Variants in FBXL3 observed in about 807,000 individuals in gnomAD.
FBXL3 encodes the protein F-box/LRR-repeat protein 3.
In FBXL3, 14 loss-of-function variants were observed where a neutral mutation model predicts 37.9. The observed-to-expected ratio is 0.37, with a 90% CI of 0.24 to 0.58. The LOEUF (loss-of-function observed/expected upper bound fraction) is 0.58, where lower values mean the gene tolerates loss of function less well. FBXL3 is among the 20% of genes least tolerant of loss of function. FBXL3 has a pLI of 0.74. For synonymous variants in FBXL3, 194 were observed against 180.1 expected (o/e 1.08, Z -0.62); for missense variants, 327 against 511.1 (o/e 0.64, Z 3.47).
intron 4 of FBXL3, 52 bp from the exon 5 acceptor site, chr13:77,007,840 GA>G (rs1461064798): frequency 1.3e-6 from 2 of 1,483,124 alleles, no homozygotes; most frequent in East Asian, 4.6e-5. Context: ...TTTATCTGTT[GA>G]AAAATTCAAT....
Position 77,006,932 on chromosome 13 carries a change from G to T in FBXL3, c.*213C>A. On this transcript the variant is annotated 3_prime_UTR_variant, in exon 5 of 5. Coordinates refer to ENST00000355619, the MANE Select transcript of FBXL3 (RefSeq NM_012158.4). Reference sequence around the variant, plus strand: ...ATCCGAACCACATTAAAAAAAATTCGGAGATATGACTGCTATTACACTAAG... The same window carrying T: ...ATCCGAACCACATTAAAAAAAATTCTGAGATATGACTGCTATTACACTAAG... 1 of 1,347,586 alleles carries T rather than the reference G, an allele frequency of 7.4e-7. No individual in the cohort carries two copies. Among genetic ancestry groups the T allele is most frequent in the Non-Finnish European group, 9.5e-7 (1 of 1,052,364 alleles). 83.5% of individuals were successfully genotyped at this position (1,347,586 alleles called of 1,614,324 possible).
intron 4 of FBXL3, among the ~76,000 whole-genome samples, chr13:77,012,088 G>A (rs184815734): frequency 1.4e-4 from 21 of 152,326 alleles, no homozygotes; most frequent in African/African-American, 5.1e-4. Flanking sequence ...TGGTTGTTGA[G>A]GGATGGCTGG....
chr13:77,023,345 A>AGAGAGAGAGAGTGTGTGTGTGT lies in FBXL3; in HGVS notation c.-1-1485_-1-1484insACACACACACACTCTCTCTCTC, dbSNP rs199568005. 7.5e-5 allele frequency among the ~76,000 whole-genome samples: 11 copies of AGAGAGAGAGAGTGTGTGTGTGT among 147,600 alleles called. No individual in the cohort carries two copies. In the South Asian group the frequency reaches 2.4e-3, roughly 32 times the overall value. On this transcript the variant is annotated intron_variant, in intron 1 of 4. Transcript: ENST00000355619. ...TTTGCTTTAAAATGGAGAGAGAGAG[A>AGAGAGAGAGAGTGTGTGTGTGT]GTGTGTGTGTGTGTGTGTGTGTGTG...
At position 77,027,140 on chromosome 13, in the gene FBXL3, G is replaced by A. The variant is rs537039143; in HGVS notation, c.-315C>T. ...GCCACCGCGTAAGCTTCCTGCACCT[G>A]GGCCACAAACAGCGAGTCTAAAATG... is the stretch of plus-strand genomic sequence containing the variant. On this transcript the variant is annotated 5_prime_UTR_variant, in exon 1 of 5. Coordinates refer to ENST00000355619, the MANE Select transcript of FBXL3 (RefSeq NM_012158.4). The A allele has an allele frequency of 3.3e-5, 5 of 150,814 alleles. No individual in the cohort carries two copies. The South Asian group carries it at 8.3e-4, about 25-fold the overall frequency. 9.3% of individuals were successfully genotyped at this position (150,814 alleles called of 1,614,324 possible). A position where few individuals can be genotyped will look rare whatever the true frequency, so the allele number is the denominator to read the frequency against.
At chr13:77,014,230 A>G (rs191392155) in intron 4 of FBXL3, 1 of 152,380 alleles carries the variant, frequency 6.6e-6, no homozygotes, top group East Asian at 1.9e-4. Flanking sequence ...GTAACAAACA[A>G]AAATCTGTAG....
intron 2 of FBXL3, among the ~76,000 whole-genome samples, chr13:77,020,272 T>C (rs995180946): frequency 2.0e-5 from 3 of 152,272 alleles, no homozygotes; most frequent in Non-Finnish European, 4.4e-5. Context: ...AAATTATTCA[T>C]TGATTATCCG....
rs754446542 is a variant in FBXL3, at chr13:77,007,518, C to T, written c.914G>A (p.Arg305His). Reference protein sequence around the residue: ...LYEEEFDPFFRYEIPATHLYF... With the variant: ...LYEEEFDPFFHYEIPATHLYF... ...CAGATGGGTGGCAGGTATTTCATAG[C>T]GAAAGAAGGGGTCAAATTCTTCTTC... The change falls in exon 5 of 5, where the codon CGC becomes CAC. Residue 305 changes from arginine (R) to histidine (H), a missense_variant. Coordinates refer to ENST00000355619, the MANE Select transcript of FBXL3 (RefSeq NM_012158.4). 6 of 1,613,938 alleles carry T rather than the reference C, an allele frequency of 3.7e-6. No individual in the cohort carries two copies. In the South Asian group the frequency reaches 4.4e-5, roughly 12 times the overall value.
rs866815288 is a variant in FBXL3 at position 77,017,526 on chromosome 13, C to A, written c.471+1074G>T. The stretch of plus-strand genomic sequence containing the variant: ...ACAGGAAGAGAAGACTTAGAATCAC[C>A]CCGAATTTGAAAAAGGGATAGAAAT... On this transcript the variant is annotated intron_variant, in intron 3 of 4. Transcript: ENST00000355619. 3 of 151,960 alleles carry A rather than the reference C, an allele frequency of 2.0e-5. No homozygotes were observed. The East Asian group carries it at 5.8e-4, about 29-fold the overall frequency. The allele number at this position is 151,960 out of a possible 1,614,324, so 9.4% of individuals were successfully genotyped here.
At position 77,007,009 on chromosome 13, in the gene FBXL3, C is replaced by CA; in HGVS notation, c.*135dup. ...ACTCATTCATGGGTCTTCCGATAAA[C>CA]AATCTTTACATATACTGACTGAAGA... On this transcript the variant is annotated 3_prime_UTR_variant, in exon 5 of 5. Coordinates refer to ENST00000355619, the MANE Select transcript of FBXL3 (RefSeq NM_012158.4). The CA allele has an allele frequency of 3.5e-6, 5 of 1,422,046 alleles. No individual in the cohort carries two copies. Among genetic ancestry groups the CA allele is most frequent in the Non-Finnish European group, 4.6e-6 (5 of 1,092,648 alleles). The allele number at this position is 1,422,046 out of a possible 1,614,324, so 88.1% of individuals were successfully genotyped here. A position where few individuals can be genotyped will look rare whatever the true frequency, so the allele number is the denominator to read the frequency against.
At position 77,018,580 on chromosome 13, in the gene FBXL3, AAAAC is replaced by A; in HGVS notation, c.471+16_471+19del. 2 of 1,549,990 alleles carry A rather than the reference AAAAC, an allele frequency of 1.3e-6. No individual in the cohort carries two copies. The highest frequency in any genetic ancestry group is 1.7e-6 in the Non-Finnish European group (2 of 1,154,014). On this transcript the variant is annotated intron_variant, in intron 3 of 4. Transcript: ENST00000355619. Reference sequence around the variant, plus strand: ...ACTGAATTTCTCAGTAATAGATAATAAAACAAAAACAGCAGATACCTTTGGTAAA... The same window carrying A: ...ACTGAATTTCTCAGTAATAGATAATAAAAAACAGCAGATACCTTTGGTAAA...
Position 77,023,786 on chromosome 13 carries a change from G to C in FBXL3, c.-1-1925C>G, listed in dbSNP as rs147782413. Among the ~76,000 whole-genome samples, 599 of 152,268 alleles carry C rather than the reference G, an allele frequency of 3.9e-3. 1 individual carries two copies. The highest frequency in any genetic ancestry group is 7.0e-3 in the Non-Finnish European group (475 of 68,016). Reference sequence around the variant, plus strand: ...TTTCTCATTCCTGTGTGAGATGAAGGATATGCATATGCATTACTGTAAAAC... The same window carrying C: ...TTTCTCATTCCTGTGTGAGATGAAGCATATGCATATGCATTACTGTAAAAC... On this transcript the variant is annotated intron_variant, in intron 1 of 4. Coordinates refer to ENST00000355619, the MANE Select transcript of FBXL3 (RefSeq NM_012158.4).
chr13:77,022,280 A>G (rs748033604), intron 1 of FBXL3, among the ~76,000 whole-genome samples: 4 of 152,202 alleles, frequency 2.6e-5, no homozygotes, highest in African/African-American at 7.2e-5. Context: ...TTCCAGGCCA[A>G]CCAGGGTCCC....
At chr13:77,017,105 A>G (rs1166447495) in intron 3 of FBXL3, 1 of 152,120 alleles carries the variant, frequency 6.6e-6, no homozygotes, top group African/African-American at 2.4e-5. Context: ...GATTTCCAAA[A>G]TATTGCAACG....
In FBXL3 at chr13:77,025,684, T is replaced by A. The variant is rs1193165298; in HGVS notation, c.-2+1143A>T. On this transcript the variant is annotated intron_variant, in intron 1 of 4. Coordinates refer to ENST00000355619, the MANE Select transcript of FBXL3 (RefSeq NM_012158.4). The stretch of plus-strand genomic sequence containing the variant: ...GCCTGGGTGACAAAGTGAGTCCTTG[T>A]CTCAAAAAAAAAAAAAAAAAAAAAA... Among the ~76,000 whole-genome samples the A allele has an allele frequency of 1.3e-4, 7 of 55,080 alleles. No individual in the cohort carries two copies. The Admixed American group carries it at 2.0e-3, about 16-fold the overall frequency. The allele number at this position is 55,080 out of a possible 152,430, so 36.1% of individuals were successfully genotyped here. A position where few individuals can be genotyped will look rare whatever the true frequency, so the allele number is the denominator to read the frequency against.
chr13:77,012,763 G>C (rs1311279286), intron 4 of FBXL3: 2 of 152,144 alleles, frequency 1.3e-5, no homozygotes, highest in African/African-American at 2.4e-5. Context: ...TCTTCAAATA[G>C]AAAGTATTAC....
intron 4 of FBXL3, 35 bp downstream of exon 4, chr13:77,015,374 T>C: frequency 6.8e-7 from 1 of 1,471,566 alleles, no homozygotes; most frequent in Non-Finnish European, 9.0e-7. Flanking sequence ...GCAATGCATT[T>C]TACTAAAATG....
chr13:77,015,369 G>A (rs757892548), intron 4 of FBXL3, 40 bp downstream of exon 4: 6 of 1,431,196 alleles, frequency 4.2e-6, no homozygotes, highest in Non-Finnish European at 5.6e-6. Context: ...ACATAGCAAT[G>A]CATTTTACTA....
In FBXL3 at chr13:77,007,802, A is replaced by G; in HGVS notation, c.644-14T>C. On this transcript the variant is annotated splice_polypyrimidine_tract_variant and intron_variant, in intron 4 of 4. Transcript: ENST00000355619. ...CACAAAGGATACCTTGAAAGAAAAAAAAAATTATTTGCAAGTTTTTGTAAA... is the reference window on the plus strand; with the variant it reads ...CACAAAGGATACCTTGAAAGAAAAAGAAAATTATTTGCAAGTTTTTGTAAA... 6.5e-7 allele frequency: 1 copy of G among 1,533,874 alleles called. No homozygotes were observed. The highest frequency in any genetic ancestry group is 8.8e-7 in the Non-Finnish European group (1 of 1,142,088).
chr13:77,015,524 C>T lies in FBXL3; in HGVS notation c.528G>A (p.Ser176=), dbSNP rs762454839. ...VVFVNSKSLS[S]LKIDDTPVDD... ...CTACTGGAGTATCATCTATCTTAAGCGAAGACAGGGATTTGGAGTTTACGA... is the reference window on the plus strand; with the variant it reads ...CTACTGGAGTATCATCTATCTTAAGTGAAGACAGGGATTTGGAGTTTACGA... Residue 176 remains serine, a synonymous_variant, in exon 4 of 5, where the codon TCG becomes TCA. Coordinates refer to ENST00000355619, the MANE Select transcript of FBXL3 (RefSeq NM_012158.4). 9.3e-6 allele frequency: 15 copies of T among 1,604,390 alleles called. No individual in the cohort carries two copies. The highest frequency in any genetic ancestry group is 1.2e-5 in the Non-Finnish European group (14 of 1,175,394).
Sources: gnomAD v4.1 joint callset for allele counts (sites outside exome capture counted in the v4.1 genomes callset) on GRCh38, gnomAD v4.1.1 for gene constraint, MANE v1.5 for transcripts, NCBI Gene and HGNC (gene_info 2026-07-23, HGNC 2026-07-21) for gene names.